The following ZFP90 variants were observed in gnomAD, a reference collection of about 807,000 sequenced individuals.
The protein encoded by ZFP90 is ZFP90 zinc finger protein.
In ZFP90, 38 loss-of-function variants were observed where a neutral mutation model predicts 60.8. The ratio of observed to expected loss-of-function variants is 0.62; its 90% CI spans 0.48 to 0.82. The LOEUF (loss-of-function observed/expected upper bound fraction) is 0.82, where lower values mean the gene tolerates loss of function less well. Among genes scored for constraint, ZFP90 ranks in the 40% least tolerant of loss-of-function variants. The pLI, the probability that ZFP90 is intolerant of heterozygous loss-of-function variation, is 0.00. For missense variants in ZFP90, 711 were observed against 759.1 expected, an observed-to-expected ratio of 0.94 and a Z score of 0.74; for synonymous variants, 287 against 264.8, an observed-to-expected ratio of 1.08 and a Z score of -0.82.
chr16:68,566,765 A>G lies in ZFP90; in HGVS notation c.*2067A>G. ...TGGCTAGGATGCCTGTCAGGAACTC[A>G]TTATGCTACTGGTTGTTTGGGGATC... On this transcript the variant is annotated 3_prime_UTR_variant, in exon 5 of 5. Transcript: ENST00000563169. 1 of 985,558 alleles carries G rather than the reference A, an allele frequency of 1.0e-6. No homozygotes were observed. Among genetic ancestry groups the G allele is most frequent in the East Asian group, 1.1e-4 (1 of 8,956 alleles). 61.1% of individuals were successfully genotyped at this position (985,558 alleles called of 1,614,324 possible).
In ZFP90 at chr16:68,575,556, G is replaced by A. The variant is rs867087790; in HGVS notation, c.224-235G>A. Among the ~76,000 whole-genome samples the A allele has an allele frequency of 2.9e-3, 243 of 83,204 alleles. 6 individuals carry two copies. In the East Asian group the frequency reaches 0.078, roughly 27 times the overall value. The allele number at this position is 83,204 out of a possible 152,430, so 54.6% of individuals were successfully genotyped here. On this transcript the variant is annotated intron_variant, in intron 2 of 2. Transcript: ENST00000573113. ...TATGCAAAAAAAAAAAAAAAAAAAAGGCTAAAACAAAGGCACTACTCAAAG... is the reference window on the plus strand; with the variant it reads ...TATGCAAAAAAAAAAAAAAAAAAAAAGCTAAAACAAAGGCACTACTCAAAG...
At position 68,565,278 on chromosome 16, in the gene ZFP90, G is replaced by T; in HGVS notation, c.*580G>T. 1 of 985,470 alleles carries T rather than the reference G, an allele frequency of 1.0e-6. No individual in the cohort carries two copies. The highest frequency in any genetic ancestry group is 4.7e-5 in the South Asian group (1 of 21,288). 61.0% of individuals were successfully genotyped at this position (985,470 alleles called of 1,614,324 possible). A position where few individuals can be genotyped will look rare whatever the true frequency, so the allele number is the denominator to read the frequency against. ...GGGTAAAGCTGGGTTAAAAATGCAG[G>T]TTTCCTGGATTTGGGGCCCCATGGC... On this transcript the variant is annotated 3_prime_UTR_variant, in exon 5 of 5. Coordinates refer to ENST00000563169, the MANE Select transcript of ZFP90 (RefSeq NM_001305203.2).
chr16:68,543,648 C>T (rs953344349), intron 2 of ZFP90, among the ~76,000 whole-genome samples: 3 of 151,854 alleles, frequency 2.0e-5, no homozygotes, highest in Admixed American at 2.0e-4. Context: ...GCAACCTCTG[C>T]CTCCCTGATT....
At chr16:68,541,858 A>G (rs1182142487) in intron 2 of ZFP90, among the ~76,000 whole-genome samples, 2 of 152,158 alleles carry the variant, frequency 1.3e-5, no homozygotes, top group South Asian at 2.1e-4. Flanking sequence ...AAGTGGATTC[A>G]TGTTCTGAGC....
intron 2 of ZFP90, among the ~76,000 whole-genome samples, chr16:68,552,917 T>A (rs1417185163): frequency 6.6e-6 from 1 of 151,994 alleles, no homozygotes; most frequent in Non-Finnish European, 1.5e-5. Flanking sequence ...ATAGGTATGG[T>A]GGCACACACC....
chr16:68,576,025 TA>T (rs1443069449), exon 3 of ZFP90: 7 of 358,246 alleles, frequency 2.0e-5, no homozygotes, highest in African/African-American at 1.7e-4. Flanking sequence ...TGCAGCAAGC[TA>T]GGAAACATTT....
intron 2 of ZFP90, among the ~76,000 whole-genome samples, chr16:68,553,228 CAGTG>C (rs1214925073): frequency 3.3e-5 from 5 of 152,040 alleles, no homozygotes; most frequent in African/African-American, 1.2e-4. Context: ...GTGAAAAAGA[CAGTG>C]AGAATGTAGA....
Position 68,566,752 on chromosome 16 carries a change from C to T in ZFP90, c.*2054C>T. 3.0e-6 allele frequency: 3 copies of T among 985,566 alleles called. No individual in the cohort carries two copies. The highest frequency in any genetic ancestry group is 3.6e-6 in the Non-Finnish European group (3 of 829,950). 61.1% of individuals were successfully genotyped at this position (985,566 alleles called of 1,614,324 possible). Reference sequence around the variant, plus strand: ...CCTCCCTACTGATTGGCTAGGATGCCTGTCAGGAACTCATTATGCTACTGG... The same window carrying T: ...CCTCCCTACTGATTGGCTAGGATGCTTGTCAGGAACTCATTATGCTACTGG... On this transcript the variant is annotated 3_prime_UTR_variant, in exon 5 of 5. Transcript: ENST00000563169.
chr16:68,575,535 CAA>C (rs34872149), intron 2 of ZFP90, among the ~76,000 whole-genome samples: 1,247 of 82,276 alleles, frequency 0.015, 14 homozygotes, highest in African/African-American at 0.048. Flanking sequence ...TGTGAGTATG[CAA>C]AAAAAAAAAA....
intron 2 of ZFP90, among the ~76,000 whole-genome samples, chr16:68,542,863 G>A (rs1272319418): frequency 2.6e-5 from 4 of 152,188 alleles, no homozygotes; most frequent in Non-Finnish European, 5.9e-5. Context: ...TTTCTAGGCA[G>A]TTGGGATAAC....
chr16:68,538,967 C>T (rs2090984787), upstream of ZFP90, among the ~76,000 whole-genome samples: 2 of 152,226 alleles, frequency 1.3e-5, no homozygotes, highest in African/African-American at 2.4e-5. Flanking sequence ...CAGGACCTGA[C>T]ATTATCTTGT....
At chr16:68,571,749 G>A (rs2091569366), downstream of ZFP90, among the ~76,000 whole-genome samples, 2 of 152,120 alleles carry the variant, frequency 1.3e-5, no homozygotes, top group Non-Finnish European at 2.9e-5. Flanking sequence ...GCAACATAGT[G>A]AGACCTCATC....
At chr16:68,543,487 G>C (rs2091089119) in intron 2 of ZFP90, among the ~76,000 whole-genome samples, 1 of 152,042 alleles carries the variant, frequency 6.6e-6, no homozygotes, top group African/African-American at 2.4e-5. Flanking sequence ...GAATGTTTAC[G>C]TAGATATAGC....
At chr16:68,554,166 G>A (rs1048438260) in intron 2 of ZFP90, among the ~76,000 whole-genome samples, 9 of 151,016 alleles carry the variant, frequency 6.0e-5, no homozygotes, top group Non-Finnish European at 1.0e-4. Context: ...CTGTTGCCCC[G>A]GCTGGAGTGC....
At chr16:68,573,438 A>G (rs1301025666) in intron 2 of ZFP90, among the ~76,000 whole-genome samples, 1 of 152,226 alleles carries the variant, frequency 6.6e-6, no homozygotes, top group Non-Finnish European at 1.5e-5. Flanking sequence ...TGATTATGCC[A>G]TTGCACCCCA....
At chr16:68,544,276 G>A (rs975465755) in intron 2 of ZFP90, among the ~76,000 whole-genome samples, 2 of 152,196 alleles carry the variant, frequency 1.3e-5, no homozygotes, top group Non-Finnish European at 2.9e-5. Context: ...TAGGTGTGGT[G>A]GCACACACAC....
intron 2 of ZFP90, among the ~76,000 whole-genome samples, chr16:68,574,405 T>C (rs2091583124): frequency 6.6e-6 from 1 of 151,864 alleles, no homozygotes; most frequent in African/African-American, 2.4e-5. Flanking sequence ...TAATGAAACC[T>C]TGAGTGGGGA....
intron 2 of ZFP90, among the ~76,000 whole-genome samples, chr16:68,545,170 C>T (rs920909177): frequency 7.2e-5 from 11 of 151,908 alleles, no homozygotes; most frequent in Admixed American, 3.3e-4. Flanking sequence ...TGAGCCACCG[C>T]GCCCGGCCCA....
At chr16:68,536,138 G>A (rs1232425255), upstream of ZFP90, among the ~76,000 whole-genome samples, 2 of 152,168 alleles carry the variant, frequency 1.3e-5, no homozygotes, top group African/African-American at 2.4e-5. Context: ...TACAAACAGC[G>A]TTGTTCTCTT....
Sources: gnomAD v4.1 joint callset for allele counts (sites outside exome capture counted in the v4.1 genomes callset) on GRCh38, gnomAD v4.1.1 for gene constraint, MANE v1.5 for transcripts, NCBI Gene and HGNC (gene_info 2026-07-23, HGNC 2026-07-21) for gene names.